Variants in PDE11A observed in about 807,000 individuals in gnomAD.
PDE11A encodes the protein phosphodiesterase 11A, also known as dual 3',5'-cyclic-AMP and -GMP phosphodiesterase 11A.
PDE11A carries 100 observed loss-of-function variants against 100.5 expected under a neutral mutation model. The observed-to-expected ratio is 1.00, with a 90% confidence interval of 0.85 to 1.18. The LOEUF (loss-of-function observed/expected upper bound fraction) is 1.18, where lower values mean the gene tolerates loss of function less well. PDE11A is among the 50% of genes most tolerant of loss of function. The pLI is 0.00. For missense variants in PDE11A, 1,141 were observed against 1,152.6 expected, an observed-to-expected ratio of 0.99 and a Z score of 0.15; for synonymous variants, 381 against 420.8, an observed-to-expected ratio of 0.91 and a Z score of 1.16.
intron 5 of PDE11A, among the ~76,000 whole-genome samples, chr2:177,858,488 T>C (rs949386084): frequency 2.0e-5 from 3 of 150,342 alleles, no homozygotes; most frequent in African/African-American, 7.3e-5. Context: ...AACAGACACA[T>C]GAAAAAATGC....
chr2:177,726,664 T>TTTG (rs902361066), intron 12 of PDE11A, among the ~76,000 whole-genome samples: 2 of 151,340 alleles, frequency 1.3e-5, no homozygotes, highest in African/African-American at 4.8e-5. Flanking sequence ...GGCAGAGTTT[T>TTTG]TTTTTTTTTT....
At chr2:178,037,895 G>T (rs2086636720) in intron 1 of PDE11A, among the ~76,000 whole-genome samples, 1 of 151,994 alleles carries the variant, frequency 6.6e-6, no homozygotes. Context: ...AGGGAAGGGA[G>T]AGCATTAGGA....
intron 15 of PDE11A, among the ~76,000 whole-genome samples, chr2:177,697,077 A>G (rs2081123246): frequency 6.6e-6 from 1 of 152,234 alleles, no homozygotes; most frequent in African/African-American, 2.4e-5. Context: ...ACTTAGTTTC[A>G]GAGTTGTGTG....
intron 9 of PDE11A, among the ~76,000 whole-genome samples, chr2:177,780,244 A>G (rs1437320539): frequency 6.6e-6 from 1 of 152,122 alleles, no homozygotes; most frequent in East Asian, 1.9e-4. Context: ...TAGATTTAGC[A>G]TAATTCTTTT....
At chr2:178,062,918 T>C (rs541989345) in intron 1 of PDE11A, among the ~76,000 whole-genome samples, 2 of 152,366 alleles carry the variant, frequency 1.3e-5, no homozygotes, top group South Asian at 2.1e-4. Context: ...GTCATAGATA[T>C]ACTTAGCCTA....
intron 2 of PDE11A, among the ~76,000 whole-genome samples, chr2:177,982,367 C>T (rs1447241664): frequency 6.6e-6 from 1 of 150,402 alleles, no homozygotes; most frequent in Non-Finnish European, 1.5e-5. Context: ...TATATTTTTG[C>T]CCCAAACTGC....
chr2:177,858,341 C>A (rs949439789), intron 5 of PDE11A, among the ~76,000 whole-genome samples: 19 of 151,958 alleles, frequency 1.3e-4, no homozygotes, highest in African/African-American at 2.7e-4. Flanking sequence ...TTTTTGCAAT[C>A]TACTCATCTG....
In PDE11A at chr2:177,818,521, A is replaced by G. The variant is rs180709040; in HGVS notation, c.1577-596T>C. ...GGGATTAAAATGTTAACTACCTAAG[A>G]AGGTTATGAAGATTAAATGAGATAA... is the stretch of plus-strand genomic sequence containing the variant. On this transcript the variant is annotated intron_variant, in intron 7 of 19. Transcript: ENST00000286063. Among the ~76,000 whole-genome samples, 524 of 152,126 alleles carry G rather than the reference A, an allele frequency of 3.4e-3. 5 individuals are homozygous for G. Among genetic ancestry groups the G allele is most frequent in the Middle Eastern group, 6.8e-3 (2 of 292 alleles).
intron 5 of PDE11A, among the ~76,000 whole-genome samples, chr2:177,844,904 A>G (rs1188661413): frequency 3.3e-5 from 5 of 152,102 alleles, no homozygotes; most frequent in African/African-American, 1.2e-4. Flanking sequence ...TTTTCTTAGT[A>G]CAGAACAAAA....
intron 2 of PDE11A, among the ~76,000 whole-genome samples, chr2:177,997,082 T>C (rs139111690): frequency 8.9e-4 from 136 of 152,238 alleles, no homozygotes; most frequent in African/African-American, 3.1e-3. Flanking sequence ...GAACATTAAG[T>C]TTTTAGCTGA....
At chr2:177,735,485 G>C (rs971821498) in intron 10 of PDE11A, among the ~76,000 whole-genome samples, 2 of 152,114 alleles carry the variant, frequency 1.3e-5, no homozygotes, top group African/African-American at 2.4e-5. Flanking sequence ...GAAGCACAAT[G>C]GAGGAGGATC....
chr2:177,759,153 C>G (rs1043707989), intron 10 of PDE11A, among the ~76,000 whole-genome samples: 1 of 149,892 alleles, frequency 6.7e-6, no homozygotes, highest in Admixed American at 6.6e-5. Flanking sequence ...ATATGACTAT[C>G]CCGTTAAGTT....
At chr2:177,638,278 C>T (rs1254675615) in intron 19 of PDE11A, among the ~76,000 whole-genome samples, 1 of 151,958 alleles carries the variant, frequency 6.6e-6, no homozygotes, top group Admixed American at 6.6e-5. Flanking sequence ...GGATTATAGG[C>T]GTGAGCCACC....
At chr2:177,853,873 T>C (rs1305944412) in intron 5 of PDE11A, among the ~76,000 whole-genome samples, 2 of 145,222 alleles carry the variant, frequency 1.4e-5, no homozygotes, top group South Asian at 2.1e-4. Context: ...TATATGTATA[T>C]AGATATCTAT....
intron 6 of PDE11A, among the ~76,000 whole-genome samples, chr2:177,831,771 A>G (rs1333645881): frequency 6.6e-6 from 1 of 152,246 alleles, no homozygotes; most frequent in Non-Finnish European, 1.5e-5. Flanking sequence ...AACAAAAACT[A>G]AGCCTCTATT....
At chr2:177,936,675 C>A (rs1161838251) in intron 2 of PDE11A, among the ~76,000 whole-genome samples, 1 of 152,192 alleles carries the variant, frequency 6.6e-6, no homozygotes, top group African/African-American at 2.4e-5. Context: ...AATCCCAGCA[C>A]TTTGGTAGGC....
intron 2 of PDE11A, among the ~76,000 whole-genome samples, chr2:177,973,240 C>T (rs970969813): frequency 4.5e-5 from 6 of 133,480 alleles, no homozygotes; most frequent in African/African-American, 8.7e-5. Context: ...GCACCGTGCG[C>T]GAGCCGAAGC....
intron 2 of PDE11A, among the ~76,000 whole-genome samples, chr2:177,906,229 A>T (rs2695097): frequency 6.6e-6 from 1 of 152,024 alleles, no homozygotes; most frequent in Non-Finnish European, 1.5e-5. Context: ...GGAAGAGGTA[A>T]CAAGCGCTGG....
intron 6 of PDE11A, among the ~76,000 whole-genome samples, chr2:177,832,934 C>G (rs145724094): frequency 1.1e-3 from 162 of 152,328 alleles, no homozygotes; most frequent in African/African-American, 3.4e-3. Flanking sequence ...AAAGATCAAA[C>G]AGCGCACTTG....
Sources: gnomAD v4.1 joint callset for allele counts (sites outside exome capture counted in the v4.1 genomes callset) on GRCh38, gnomAD v4.1.1 for gene constraint, MANE v1.5 for transcripts, NCBI Gene and HGNC (gene_info 2026-07-23, HGNC 2026-07-21) for gene names.